Variants in QTMAN observed in about 807,000 individuals in gnomAD.
The protein encoded by QTMAN is queuosine-tRNA mannosyltransferase.
At chr2:143,986,838 C>T in the QTMAN span, among the ~76,000 whole-genome samples, 1 of 152,126 alleles carries the variant, frequency 6.6e-6, no homozygotes, top group African/African-American at 2.4e-5. Context: ...ATTAACAGAC[C>T]ACTAAGAGAA....
chr2:143,945,099 C>A, the QTMAN span: 1 of 152,134 alleles, frequency 6.6e-6, no homozygotes, highest in East Asian at 1.9e-4. Context: ...TGTGACACAG[C>A]AACTGACAGA....
chr2:144,133,122 TA>T, the QTMAN span, among the ~76,000 whole-genome samples: 5 of 30,396 alleles, frequency 1.6e-4, no homozygotes, highest in African/African-American at 1.0e-3. Flanking sequence ...TGGTAATATA[TA>T]TATATATATA....
chr2:144,037,273 A>G, the QTMAN span, among the ~76,000 whole-genome samples: 2 of 152,250 alleles, frequency 1.3e-5, no homozygotes, highest in Admixed American at 1.3e-4. Flanking sequence ...TTACTTTAAA[A>G]TGGTTAATTT....
the QTMAN span, chr2:143,952,200 T>C: frequency 1.2e-4 from 77 of 637,608 alleles, no homozygotes; most frequent in East Asian, 1.9e-3. Flanking sequence ...TATTTAAGCA[T>C]GATTTTATAA....
At chr2:144,311,209 CATTCTT>C in the QTMAN span, among the ~76,000 whole-genome samples, 13 of 152,310 alleles carry the variant, frequency 8.5e-5, no homozygotes, top group African/African-American at 3.1e-4. Context: ...TCAAGATACT[CATTCTT>C]ATTCTAGAGA....
chr2:144,280,898 CT>C, the QTMAN span, among the ~76,000 whole-genome samples: 38 of 148,864 alleles, frequency 2.6e-4, no homozygotes, highest in Admixed American at 5.4e-4. Flanking sequence ...CCTATCAGAA[CT>C]TTTTTTTTTA....
At chr2:143,954,120 T>C in the QTMAN span, among the ~76,000 whole-genome samples, 2 of 151,914 alleles carry the variant, frequency 1.3e-5, no homozygotes, top group African/African-American at 4.8e-5. Flanking sequence ...ATACATAGGG[T>C]ACACACAGAA....
At chr2:144,270,845 C>A in the QTMAN span, among the ~76,000 whole-genome samples, 17 of 152,110 alleles carry the variant, frequency 1.1e-4, no homozygotes, top group Non-Finnish European at 1.9e-4. Flanking sequence ...AGAAGGTGGT[C>A]TTCCAAGAAA....
At chr2:144,156,653 G>A in the QTMAN span, among the ~76,000 whole-genome samples, 1 of 151,926 alleles carries the variant, frequency 6.6e-6, no homozygotes, top group Non-Finnish European at 1.5e-5. Context: ...TAAAAATTCT[G>A]TACACAGCTA....
chr2:144,044,377 C>T, the QTMAN span, among the ~76,000 whole-genome samples: 10 of 151,884 alleles, frequency 6.6e-5, no homozygotes, highest in African/African-American at 2.2e-4. Context: ...TTGGCTCAGC[C>T]GTCCATCTCA....
chr2:144,145,550 T>A, the QTMAN span: 31 of 1,574,612 alleles, frequency 2.0e-5, no homozygotes, highest in Non-Finnish European at 2.7e-5. Context: ...GGGCCAAATA[T>A]AATGATACAA....
chr2:144,004,857 T>G, the QTMAN span, among the ~76,000 whole-genome samples: 5 of 152,062 alleles, frequency 3.3e-5, no homozygotes, highest in Non-Finnish European at 4.4e-5. Flanking sequence ...AATCCTTGAC[T>G]GCCTCGGAAT....
the QTMAN span, among the ~76,000 whole-genome samples, chr2:144,199,609 T>G: frequency 4.6e-5 from 7 of 152,262 alleles, no homozygotes; most frequent in Middle Eastern, 3.4e-3. Context: ...CTGTTAACAC[T>G]TATTCCCCAA....
the QTMAN span, among the ~76,000 whole-genome samples, chr2:144,238,811 T>C: frequency 6.6e-6 from 1 of 152,186 alleles, no homozygotes; most frequent in African/African-American, 2.4e-5. Context: ...TACCATAACT[T>C]GGCTTCCTTA....
At chr2:144,248,768 T>G in the QTMAN span, among the ~76,000 whole-genome samples, 1 of 152,000 alleles carries the variant, frequency 6.6e-6, no homozygotes, top group Non-Finnish European at 1.5e-5. Context: ...AAACAGAGTA[T>G]TGACTGATTA....
chr2:144,317,050 T>A, the QTMAN span, among the ~76,000 whole-genome samples: 2 of 152,204 alleles, frequency 1.3e-5, no homozygotes, highest in Admixed American at 1.3e-4. Flanking sequence ...TTCATAATGA[T>A]AACAAGCCAC....
At chr2:144,115,693 T>A in the QTMAN span, among the ~76,000 whole-genome samples, 1 of 152,224 alleles carries the variant, frequency 6.6e-6, no homozygotes, top group Non-Finnish European at 1.5e-5. Context: ...GGACCAATAA[T>A]TTCTTACCTG....
the QTMAN span, among the ~76,000 whole-genome samples, chr2:144,322,212 A>T: frequency 3.9e-5 from 6 of 152,196 alleles, no homozygotes; most frequent in South Asian, 2.1e-4. Context: ...TTCTTTCCTT[A>T]AAGAAAGAGT....
At chr2:144,270,899 A>T in the QTMAN span, among the ~76,000 whole-genome samples, 1 of 152,384 alleles carries the variant, frequency 6.6e-6, no homozygotes, top group Middle Eastern at 3.4e-3. Context: ...GATATTTCTT[A>T]GCTACTCTTA....
Sources: gnomAD v4.1 joint callset for allele counts (sites outside exome capture counted in the v4.1 genomes callset) on GRCh38, gnomAD v4.1.1 for gene constraint, MANE v1.5 for transcripts, NCBI Gene and HGNC (gene_info 2026-07-23, HGNC 2026-07-21) for gene names.